Variants in SH2D4A observed in about 807,000 individuals in gnomAD.
The protein encoded by SH2D4A is SH2 domain-containing protein 4A.
Under a neutral mutation model 64.7 loss-of-function variants are expected in SH2D4A, and 70 were observed. The ratio of observed to expected loss-of-function variants is 1.08; its 90% CI spans 0.89 to 1.32. SH2D4A has a LOEUF of 1.32. Among genes scored for constraint, SH2D4A ranks in the 40% most tolerant of loss-of-function variants. SH2D4A has a pLI of 0.00. For missense variants in SH2D4A, 706 were observed against 540.1 expected, an observed-to-expected ratio of 1.31 and a Z score of -3.04; for synonymous variants, 268 against 200.7, an observed-to-expected ratio of 1.34 and a Z score of -2.83.
At chr8:19,390,140 G>T (rs113651239) in intron 8 of SH2D4A, among the ~76,000 whole-genome samples, 15 of 152,250 alleles carry the variant, frequency 9.9e-5, no homozygotes, top group African/African-American at 3.6e-4. Context: ...CAGCACTTTG[G>T]GAGGCCGAGG....
chr8:19,324,777 A>G (rs2052250326), intron 2 of SH2D4A, among the ~76,000 whole-genome samples: 1 of 152,154 alleles, frequency 6.6e-6, no homozygotes. Context: ...TAGAGCTAGG[A>G]AAATGCACAG....
chr8:19,388,942 A>C (rs1585214602), intron 8 of SH2D4A, among the ~76,000 whole-genome samples: 1 of 152,272 alleles, frequency 6.6e-6, no homozygotes, highest in East Asian at 1.9e-4. Context: ...GAATTCTTGG[A>C]GGATTCTTGG....
chr8:19,383,910 T>C (rs2053341589), intron 8 of SH2D4A, among the ~76,000 whole-genome samples: 1 of 152,210 alleles, frequency 6.6e-6, no homozygotes, highest in Admixed American at 6.5e-5. Flanking sequence ...ATGAGGATAA[T>C]ACTAATACAT....
At chr8:19,393,283 G>A in intron 8 of SH2D4A, 35 bp from the exon 9 acceptor site, 1 of 1,595,482 alleles carries the variant, frequency 6.3e-7, no homozygotes. Context: ...GGAATGATTT[G>A]GCTGAAATAC....
intron 8 of SH2D4A, among the ~76,000 whole-genome samples, chr8:19,386,081 C>G (rs1196203033): frequency 6.6e-6 from 1 of 152,232 alleles, no homozygotes; most frequent in African/African-American, 2.4e-5. Flanking sequence ...TCATATATCA[C>G]TGCCGGTGTG....
At chr8:19,352,416 C>T (rs2052719134) in intron 4 of SH2D4A, among the ~76,000 whole-genome samples, 1 of 152,208 alleles carries the variant, frequency 6.6e-6, no homozygotes, top group South Asian at 2.1e-4. Flanking sequence ...GCAGGAAGTC[C>T]ACTAGCTTCT....
At chr8:19,321,514 A>G (rs538301542) in intron 2 of SH2D4A, among the ~76,000 whole-genome samples, 24 of 152,192 alleles carry the variant, frequency 1.6e-4, no homozygotes, top group Non-Finnish European at 3.5e-4. Flanking sequence ...GAAGCTGGCC[A>G]TGAAACTTAG....
intron 5 of SH2D4A, chr8:19,360,877 A>G (rs2052872695): frequency 5.3e-6 from 1 of 187,256 alleles, no homozygotes; most frequent in Non-Finnish European, 1.1e-5. Context: ...ACTATATGTT[A>G]TACACTGTGC....
chr8:19,375,505 T>A (rs545901706), intron 8 of SH2D4A: 6 of 152,320 alleles, frequency 3.9e-5, no homozygotes, highest in African/African-American at 9.6e-5. Flanking sequence ...TTTCTCTCAA[T>A]TAAGCTCAAG....
chr8:19,387,626 T>C (rs1032897150), intron 8 of SH2D4A, among the ~76,000 whole-genome samples: 2 of 152,232 alleles, frequency 1.3e-5, no homozygotes, highest in Non-Finnish European at 2.9e-5. Context: ...GATGCCTGAC[T>C]TCTTTATGCC....
rs765284139 is a variant in SH2D4A at position 19,333,023 on chromosome 8, C to T, written c.250C>T (p.His84Tyr). The change falls in exon 3 of 10, where the codon CAC (histidine) becomes TAC (tyrosine). Residue 84 changes from histidine to tyrosine, a missense_variant. Coordinates refer to ENST00000265807, the MANE Select transcript of SH2D4A (RefSeq NM_022071.4). ...AGTCTGGGTATGGGTGATGGGCGAA[C>T]ACCATCTAGATAAACCCTATGATGT... ...KEVWVWVMGEHHLDKPYDVLC... is the reference protein window; with the variant it reads ...KEVWVWVMGEYHLDKPYDVLC... 7 of 1,614,036 alleles carry T rather than the reference C, an allele frequency of 4.3e-6. No homozygotes were observed. Among genetic ancestry groups the T allele is most frequent in the South Asian group, 1.1e-5 (1 of 91,060 alleles).
Position 19,364,265 on chromosome 8 carries a change from T to A in SH2D4A, c.900T>A (p.Tyr300Ter), listed in dbSNP as rs773694345. The change falls in exon 7 of 10, where the codon TAT becomes TAA. Residue 300 changes from tyrosine to a stop codon, truncating the protein, a stop_gained. Coordinates refer to ENST00000265807, the MANE Select transcript of SH2D4A (RefSeq NM_022071.4). LOFTEE classifies it high-confidence loss of function. ...CTCAGTTCCTAAACTCAGGGGCATA[T>A]CCTCAAAAACCTCTTAGGTAAGAAG... Reference protein sequence around the residue: ...PKPQFLNSGAYPQKPLRNQGV... With the variant: ...PKPQFLNSGA 8 of 1,613,978 alleles carry A rather than the reference T, an allele frequency of 5.0e-6. No individual in the cohort carries two copies. The East Asian group carries it at 1.8e-4, about 36-fold the overall frequency.
intron 4 of SH2D4A, among the ~76,000 whole-genome samples, chr8:19,355,019 G>A (rs188566567): frequency 8.6e-4 from 131 of 152,266 alleles, no homozygotes; most frequent in African/African-American, 3.0e-3. Flanking sequence ...GTAGAGCAGC[G>A]AAGTATCCTT....
chr8:19,381,681 G>T (rs2053295648), intron 8 of SH2D4A, among the ~76,000 whole-genome samples: 1 of 152,116 alleles, frequency 6.6e-6, no homozygotes, highest in Non-Finnish European at 1.5e-5. Context: ...GAACTTACAG[G>T]AATAGTTGAA....
chr8:19,320,681 A>C (rs1277119365), intron 2 of SH2D4A, among the ~76,000 whole-genome samples: 1 of 151,800 alleles, frequency 6.6e-6, no homozygotes, highest in African/African-American at 2.4e-5. Context: ...ACACAGAAAA[A>C]TACACATTGT....
chr8:19,316,541 G>C (rs1007442541), intron 1 of SH2D4A, among the ~76,000 whole-genome samples: 4 of 152,198 alleles, frequency 2.6e-5, no homozygotes, highest in Non-Finnish European at 5.9e-5. Context: ...TCGGTTCCTT[G>C]CTGTCCTTCC....
At chr8:19,353,446 G>A (rs1490065458) in intron 4 of SH2D4A, among the ~76,000 whole-genome samples, 1 of 147,872 alleles carries the variant, frequency 6.8e-6, no homozygotes, top group Non-Finnish European at 1.5e-5. Flanking sequence ...TTGACACACT[G>A]CATCCTCTGC....
At chr8:19,322,070 A>T (rs1391538250) in intron 2 of SH2D4A, among the ~76,000 whole-genome samples, 1 of 152,172 alleles carries the variant, frequency 6.6e-6, no homozygotes, top group Non-Finnish European at 1.5e-5. Context: ...TAAATTGAAA[A>T]CTTGGAAAAA....
intron 8 of SH2D4A, among the ~76,000 whole-genome samples, chr8:19,385,114 T>G (rs2053362350): frequency 6.6e-6 from 1 of 152,216 alleles, no homozygotes; most frequent in Non-Finnish European, 1.5e-5. Context: ...ACCCTCCTCG[T>G]GCTTTGGTCC....
Sources: allele counts gnomAD v4.1 joint callset (sites outside exome capture counted in the v4.1 genomes callset), GRCh38; gene constraint gnomAD v4.1.1; transcripts MANE v1.5; gene names NCBI Gene and HGNC (gene_info 2026-07-23, HGNC 2026-07-21).